Variants in PPARGC1A observed in about 807,000 individuals in gnomAD.
The protein encoded by PPARGC1A is PPARG coactivator 1 alpha.
A neutral mutation model predicts 88.7 loss-of-function variants in PPARGC1A; 25 were observed. That is an observed-to-expected ratio of 0.28 (90% CI 0.21 to 0.39). The LOEUF (loss-of-function observed/expected upper bound fraction) is 0.39, where lower values mean the gene tolerates loss of function less well. PPARGC1A is among the 10% of genes least tolerant of loss of function. The probability of loss-of-function intolerance (pLI) is 1.00; values close to 1 mark genes in which losing one functional copy is unlikely to be tolerated. For missense variants in PPARGC1A, 880 were observed against 968.7 expected (o/e 0.91, Z 1.22); for synonymous variants, 363 against 355.6 (o/e 1.02, Z -0.24).
At chr4:24,160,794 T>C in the PPARGC1A span, among the ~76,000 whole-genome samples, 4 of 152,226 alleles carry the variant, frequency 2.6e-5, no homozygotes, top group Admixed American at 2.6e-4. Flanking sequence ...TGATATACTT[T>C]CCATTTCTAG....
the PPARGC1A span, among the ~76,000 whole-genome samples, chr4:24,237,336 G>C: frequency 6.6e-6 from 1 of 151,698 alleles, no homozygotes; most frequent in Admixed American, 6.6e-5. Context: ...GGAAAAGAAA[G>C]AATAAAGGAA....
At chr4:24,029,791 A>G in the PPARGC1A span, among the ~76,000 whole-genome samples, 1 of 151,710 alleles carries the variant, frequency 6.6e-6, no homozygotes, top group African/African-American at 2.4e-5. Flanking sequence ...GGAAAAAAAA[A>G]TATAATACGA....
chr4:24,026,524 CTCTT>C, the PPARGC1A span, among the ~76,000 whole-genome samples: 2 of 152,010 alleles, frequency 1.3e-5, no homozygotes, highest in African/African-American at 4.8e-5. Context: ...AAGACAAAAC[CTCTT>C]TCTAAATCAG....
chr4:24,228,129 T>C, the PPARGC1A span, among the ~76,000 whole-genome samples: 1 of 152,152 alleles, frequency 6.6e-6, no homozygotes. Context: ...GGGAACATCC[T>C]GCAATGATTG....
the PPARGC1A span, among the ~76,000 whole-genome samples, chr4:24,178,268 T>C: frequency 1.3e-5 from 2 of 152,202 alleles, no homozygotes; most frequent in African/African-American, 4.8e-5. Flanking sequence ...AACAGCATAG[T>C]ACTTTTGTTA....
chr4:24,063,998 CTG>C, the PPARGC1A span, among the ~76,000 whole-genome samples: 984 of 152,280 alleles, frequency 6.5e-3, 32 homozygotes, highest in East Asian at 0.12. Flanking sequence ...GTTCGAGACT[CTG>C]GAGTGGGCCA....
chr4:23,884,880 G>T lies in PPARGC1A; in HGVS notation c.106C>A (p.Leu36Ile), dbSNP rs751064415. 1.9e-6 allele frequency: 3 copies of T among 1,613,800 alleles called. No individual in the cohort carries two copies. Among genetic ancestry groups the T allele is most frequent in the Non-Finnish European group, 2.5e-6 (3 of 1,179,836 alleles). Residue 36 changes from leucine to isoleucine, a missense_variant, in exon 2 of 13, where the codon CTT becomes ATT. Leu to Ile is a conservative substitution (Grantham distance 5, BLOSUM62 2). Coordinates refer to ENST00000264867, the MANE Select transcript of PPARGC1A (RefSeq NM_013261.5). ...TTCACATCTAGTTCAGAAAGATCAA[G>T]TTCAGGAAGATCTGGGCAAAGAGGC... ...DQPLCPDLPE[L>I]DLSELDVNDL...
the PPARGC1A span, among the ~76,000 whole-genome samples, chr4:24,163,552 C>T: frequency 6.6e-6 from 1 of 152,142 alleles, no homozygotes; most frequent in Non-Finnish European, 1.5e-5. Context: ...GCCCCATACT[C>T]ACCAAAGGGA....
At chr4:24,095,077 CA>C in the PPARGC1A span, among the ~76,000 whole-genome samples, 1 of 150,942 alleles carries the variant, frequency 6.6e-6, no homozygotes, top group Non-Finnish European at 1.5e-5. Context: ...TCCTAACCCC[CA>C]TTACTTTAGA....
chr4:24,107,357 T>TAAC, the PPARGC1A span, among the ~76,000 whole-genome samples: 1 of 152,216 alleles, frequency 6.6e-6, no homozygotes, highest in African/African-American at 2.4e-5. Flanking sequence ...TGAAGATGAA[T>TAAC]AACACATTGA....
chr4:24,350,567 TG>T, the PPARGC1A span, among the ~76,000 whole-genome samples: 1 of 152,158 alleles, frequency 6.6e-6, no homozygotes, highest in African/African-American at 2.4e-5. Context: ...CGCATAAAAC[TG>T]TGTGACAGAA....
chr4:24,276,280 G>A, the PPARGC1A span, among the ~76,000 whole-genome samples: 2 of 152,160 alleles, frequency 1.3e-5, no homozygotes, highest in African/African-American at 4.8e-5. Context: ...AAGTCACATT[G>A]TCAGAAAAGG....
chr4:24,379,842 C>T, the PPARGC1A span, among the ~76,000 whole-genome samples: 6 of 149,716 alleles, frequency 4.0e-5, no homozygotes, highest in East Asian at 9.9e-4. Flanking sequence ...TGCAATGGCA[C>T]GATTCGGCTC....
the PPARGC1A span, among the ~76,000 whole-genome samples, chr4:24,387,868 GGA>G: frequency 4.9e-3 from 393 of 80,414 alleles, 20 homozygotes; most frequent in African/African-American, 0.017. Context: ...AAGAGAGAAA[GGA>G]AGAAAGAGAA....
chr4:24,270,050 C>A, the PPARGC1A span, among the ~76,000 whole-genome samples: 1 of 152,156 alleles, frequency 6.6e-6, no homozygotes, highest in African/African-American at 2.4e-5. Context: ...AATCAGTAGA[C>A]TGAGTACAGC....
At chr4:24,145,757 C>A in the PPARGC1A span, among the ~76,000 whole-genome samples, 3 of 152,194 alleles carry the variant, frequency 2.0e-5, no homozygotes, top group Non-Finnish European at 4.4e-5. Flanking sequence ...GCATAACAAA[C>A]GAATAGCAAA....
chr4:24,164,747 A>G, the PPARGC1A span, among the ~76,000 whole-genome samples: 1 of 152,192 alleles, frequency 6.6e-6, no homozygotes, highest in Non-Finnish European at 1.5e-5. Context: ...CACATGGGAA[A>G]AGTATGACTG....
intron 7 of PPARGC1A, among the ~76,000 whole-genome samples, chr4:23,820,055 C>T (rs992184741): frequency 4.6e-5 from 7 of 151,970 alleles, no homozygotes; most frequent in African/African-American, 1.7e-4. Context: ...TGAGAGTCCA[C>T]AAAGGCAATG....
chr4:24,051,895 T>C, the PPARGC1A span, among the ~76,000 whole-genome samples: 1 of 147,030 alleles, frequency 6.8e-6, no homozygotes, highest in Non-Finnish European at 1.5e-5. Context: ...ACTTGGTAAA[T>C]GTGTCAACTT....
Sources: gnomAD v4.1 joint callset for allele counts (sites outside exome capture counted in the v4.1 genomes callset) on GRCh38, gnomAD v4.1.1 for gene constraint, MANE v1.5 for transcripts, NCBI Gene and HGNC (gene_info 2026-07-23, HGNC 2026-07-21) for gene names.